Variants in PKHD1L1 observed in about 807,000 individuals in gnomAD.
PKHD1L1 encodes fibrocystin-L.
A neutral mutation model predicts 462.9 loss-of-function variants in PKHD1L1; 434 were observed. The ratio of observed to expected loss-of-function variants is 0.94; its 90% CI spans 0.87 to 1.02. The LOEUF (loss-of-function observed/expected upper bound fraction) is 1.02. PKHD1L1 is among the 50% of genes least tolerant of loss of function. The probability of loss-of-function intolerance (pLI) is 0.00; values close to 1 mark genes in which losing one functional copy is unlikely to be tolerated. For synonymous variants in PKHD1L1, 1,781 were observed against 1,750.0 expected, an observed-to-expected ratio of 1.02 and a Z score of -0.44; for missense variants, 5,202 against 5,096.1, an observed-to-expected ratio of 1.02 and a Z score of -0.63.
At position 109,530,732 on chromosome 8, in the gene PKHD1L1, T is replaced by C. The variant is rs2131060546; in HGVS notation, c.*642T>C. ...AAGTTTTCTTGTCCTTGGAATGAACTTTTGGAACAAGTCCAAACTCCTTCT... is the reference window on the plus strand; with the variant it reads ...AAGTTTTCTTGTCCTTGGAATGAACCTTTGGAACAAGTCCAAACTCCTTCT... On this transcript the variant is annotated 3_prime_UTR_variant, in exon 78 of 78. Coordinates refer to ENST00000378402, the MANE Select transcript of PKHD1L1 (RefSeq NM_177531.6). 6.6e-6 allele frequency among the ~76,000 whole-genome samples: 1 copy of C among 152,218 alleles called. No homozygotes were observed. Among genetic ancestry groups the C allele is most frequent in the South Asian group, 2.1e-4 (1 of 4,822 alleles).
At chr8:109,455,594 A>G (rs1170058778) in intron 45 of PKHD1L1, among the ~76,000 whole-genome samples, 1 of 152,150 alleles carries the variant, frequency 6.6e-6, no homozygotes, top group Non-Finnish European at 1.5e-5. Flanking sequence ...TGTATCTGAA[A>G]ATGGGGCCTC....
At chr8:109,401,108 C>T (rs989956275) in intron 13 of PKHD1L1, among the ~76,000 whole-genome samples, 2 of 152,166 alleles carry the variant, frequency 1.3e-5, no homozygotes, top group Non-Finnish European at 2.9e-5. Flanking sequence ...ATTTAGCAAT[C>T]TTTGGCAATC....
intron 6 of PKHD1L1, among the ~76,000 whole-genome samples, chr8:109,386,765 G>T (rs1455789076): frequency 6.6e-6 from 1 of 152,074 alleles, no homozygotes; most frequent in Non-Finnish European, 1.5e-5. Context: ...TCTTAGACAG[G>T]TTTTTCTAAG....
In PKHD1L1 at chr8:109,444,934, G is replaced by T; in HGVS notation, c.5065G>T (p.Ala1689Ser). ...IKGSGFAVSS[A>S]GVKVLMGHFP... The stretch of plus-strand genomic sequence containing the variant: ...AGGCTCTGGATTTGCCGTTTCTTCT[G>T]CAGGTGTAAAAGTCCTTATGGGTCA... Residue 1689 changes from alanine (A) to serine (S), a missense_variant, in exon 38 of 78, where the codon GCA becomes TCA. This residue lies in a region of PKHD1L1 where 4,497 missense variants were observed against 4,336.8 expected (regional missense o/e 1.04). Transcript: ENST00000378402. 2 of 1,613,986 alleles carry T rather than the reference G, an allele frequency of 1.2e-6. No homozygotes were observed. The highest frequency in any genetic ancestry group is 4.5e-5 in the East Asian group (2 of 44,876).
chr8:109,433,690 A>G (rs888044309), intron 28 of PKHD1L1, among the ~76,000 whole-genome samples: 2 of 152,258 alleles, frequency 1.3e-5, no homozygotes, highest in African/African-American at 4.8e-5. Flanking sequence ...ACATCTTGAA[A>G]TAGTGAAGGC....
intron 50 of PKHD1L1, among the ~76,000 whole-genome samples, chr8:109,467,396 C>T (rs1817503895): frequency 1.3e-5 from 2 of 150,158 alleles, no homozygotes; most frequent in Admixed American, 1.3e-4. Context: ...TGCCCCGCCC[C>T]CCTTCCCCCC....
At chr8:109,411,249 A>G (rs1813844147) in intron 19 of PKHD1L1, among the ~76,000 whole-genome samples, 1 of 152,202 alleles carries the variant, frequency 6.6e-6, no homozygotes, top group South Asian at 2.1e-4. Context: ...AAAATTGAAT[A>G]TGTGCTTTCT....
At chr8:109,366,839 C>T (rs1166197732) in intron 2 of PKHD1L1, among the ~76,000 whole-genome samples, 1 of 151,942 alleles carries the variant, frequency 6.6e-6, no homozygotes, top group Non-Finnish European at 1.5e-5. Flanking sequence ...ATTACAGGTG[C>T]CTGCCACCAC....
chr8:109,508,189 C>T lies in PKHD1L1; in HGVS notation c.11320C>T (p.Leu3774=). ...MEYAMMVIES[L]DPDTETRRLS... is the part of the protein sequence containing the mutation. The stretch of plus-strand genomic sequence containing the variant: ...ATATGCAATGATGGTTATTGAAAGT[C>T]TGGATCCTGACACAGAAACTCGAAG... Residue 3774 remains leucine, a synonymous_variant, in exon 70 of 78, where the codon CTG becomes TTG. Coordinates refer to ENST00000378402, the MANE Select transcript of PKHD1L1 (RefSeq NM_177531.6). 1.9e-6 allele frequency: 3 copies of T among 1,613,340 alleles called. No individual in the cohort carries two copies. The highest frequency in any genetic ancestry group is 2.5e-6 in the Non-Finnish European group (3 of 1,179,476).
intron 76 of PKHD1L1, among the ~76,000 whole-genome samples, chr8:109,526,228 T>C (rs184532616): frequency 7.0e-4 from 106 of 152,330 alleles, no homozygotes; most frequent in African/African-American, 2.5e-3. Context: ...AGCCTTGTAA[T>C]ACAAAAATAG....
rs745344637 is a variant in PKHD1L1 at position 109,404,687 on chromosome 8, C to T, written c.1507C>T (p.Gln503Ter). Residue 503 changes from glutamine to a stop codon, truncating the protein, a stop_gained, in exon 15 of 78, where the codon CAG (glutamine) becomes TAG (stop). Coordinates refer to ENST00000378402, the MANE Select transcript of PKHD1L1 (RefSeq NM_177531.6). LOFTEE classifies it high-confidence loss of function. ...GAATGAAGAACAAGTTATCAAATCC[C>T]AGTCGACAATCCTCCAGGAAGTACA... ...AVNEEQVIKS[Q>*]STILQEVQVI... 2 of 1,605,952 alleles carry T rather than the reference C, an allele frequency of 1.2e-6. No homozygotes were observed. Among genetic ancestry groups the T allele is most frequent in the South Asian group, 2.2e-5 (2 of 89,770 alleles).
intron 70 of PKHD1L1, 73 bp from the exon 71 acceptor site, chr8:109,510,704 A>G: frequency 6.7e-7 from 1 of 1,486,282 alleles, no homozygotes; most frequent in Non-Finnish European, 9.0e-7. Flanking sequence ...TTTTTAATAC[A>G]ATTACTCTTC....
At chr8:109,429,865 A>C in intron 26 of PKHD1L1, 67 bp from the exon 27 acceptor site, 1 of 1,021,372 alleles carries the variant, frequency 9.8e-7, no homozygotes, top group Non-Finnish European at 1.5e-6. Flanking sequence ...CTTTTGTTAA[A>C]ACCTATTCAT....
intron 24 of PKHD1L1, 91 bp from the exon 25 acceptor site, chr8:109,426,911 C>T: frequency 1.3e-6 from 1 of 759,220 alleles, no homozygotes; most frequent in Non-Finnish European, 2.3e-6. Flanking sequence ...CTTTGGCCTC[C>T]CAAAGTGCTA....
Position 109,436,521 on chromosome 8 carries a change from C to T in PKHD1L1, c.3627+62C>T, listed in dbSNP as rs1229649533. The T allele has an allele frequency of 1.9e-5, 30 of 1,591,656 alleles. No homozygotes were observed. In the Admixed American group the frequency reaches 5.3e-4, roughly 28 times the overall value. ...GTCTGAAATCTTATAAATTAGGAAACATCTCAGTGGGGCGGGGGGTGAAAC... is the reference window on the plus strand; with the variant it reads ...GTCTGAAATCTTATAAATTAGGAAATATCTCAGTGGGGCGGGGGGTGAAAC... On this transcript the variant is annotated intron_variant, in intron 30 of 77. Coordinates refer to ENST00000378402, the MANE Select transcript of PKHD1L1 (RefSeq NM_177531.6).
Position 109,436,362 on chromosome 8 carries a change from G to T in PKHD1L1, c.3530G>T (p.Gly1177Val). ...GGTGGTACTCTACTGACTTTATCTG[G>T]ATTTGGCTTTAATGAAAATTCAAAG... The part of the protein sequence containing the change: ...IAGGTLLTLS[G>V]FGFNENSKVL... The change falls in exon 30 of 78, where the codon GGA (glycine) becomes GTA (valine). Residue 1177 changes from glycine to valine, a missense_variant. Around this residue, in one of 3 missense-constraint regions of PKHD1L1, gnomAD observed 4,497 missense variants for 4,336.8 expected, o/e 1.04. Transcript: ENST00000378402. The T allele has an allele frequency of 1.2e-6, 2 of 1,612,908 alleles. No individual in the cohort carries two copies. The highest frequency in any genetic ancestry group is 1.7e-6 in the Non-Finnish European group (2 of 1,179,626).
chr8:109,362,739 A>AC, intron 1 of PKHD1L1, 86 bp downstream of exon 1: 1 of 1,404,334 alleles, frequency 7.1e-7, no homozygotes, highest in Non-Finnish European at 9.8e-7. Context: ...GAGAGGCAGG[A>AC]CCACCTGGCA....
At chr8:109,447,142 G>GA (rs1428000211) in intron 38 of PKHD1L1, among the ~76,000 whole-genome samples, 2 of 152,140 alleles carry the variant, frequency 1.3e-5, no homozygotes, top group Admixed American at 1.3e-4. Context: ...AGAATCGCTT[G>GA]AATCCACGAG....
Position 109,408,247 on chromosome 8 carries a change from C to A in PKHD1L1, c.1971+41C>A, listed in dbSNP as rs201237206. On this transcript the variant is annotated intron_variant, in intron 18 of 77. Coordinates refer to ENST00000378402, the MANE Select transcript of PKHD1L1 (RefSeq NM_177531.6). ...GTTTCTACCACGCATTTTCCCTGCA[C>A]CCTCTCACATCATTCATGGGCCATT... is the stretch of plus-strand genomic sequence containing the variant. 323 of 1,547,874 alleles carry A rather than the reference C, an allele frequency of 2.1e-4. 3 individuals are homozygous for A. The African/African-American group carries it at 4.1e-3, about 20-fold the overall frequency.
Sources: gnomAD v4.1 joint callset for allele counts (sites outside exome capture counted in the v4.1 genomes callset) on GRCh38, gnomAD v4.1.1 for gene constraint, gnomAD v4.1.1 regional missense constraint, MANE v1.5 for transcripts, NCBI Gene and HGNC (gene_info 2026-07-23, HGNC 2026-07-21) for gene names.